Variants in BLTP1 observed in about 807,000 individuals in gnomAD.
BLTP1 encodes the protein fragile site-associated protein.
the BLTP1 span, among the ~76,000 whole-genome samples, chr4:122,157,510 G>A: frequency 5.3e-5 from 8 of 152,190 alleles, no homozygotes; most frequent in South Asian, 4.2e-4. Context: ...TAAATCCCTC[G>A]CAGGTGCAGT....
At chr4:122,214,606 T>C in the BLTP1 span, 232 of 649,424 alleles carry the variant, frequency 3.6e-4, 1 homozygote, top group Admixed American at 9.2e-4. Context: ...TTTTTTTTTT[T>C]CAGTAAATTC....
the BLTP1 span, chr4:122,290,965 C>A: frequency 2.3e-6 from 2 of 873,144 alleles, no homozygotes; most frequent in Non-Finnish European, 2.7e-6. Flanking sequence ...GTAAAAAAAA[C>A]AAGTGTTGTG....
the BLTP1 span, among the ~76,000 whole-genome samples, chr4:122,253,971 TA>T: frequency 6.6e-6 from 1 of 152,198 alleles, no homozygotes; most frequent in Non-Finnish European, 1.5e-5. Flanking sequence ...GTGGAATCTT[TA>T]CAGGCCAGGA....
the BLTP1 span, among the ~76,000 whole-genome samples, chr4:122,181,014 AT>A: frequency 2.6e-5 from 4 of 152,228 alleles, no homozygotes; most frequent in African/African-American, 7.2e-5. Context: ...ATGACTATTT[AT>A]TCAGATCCAT....
chr4:122,178,036 A>G, the BLTP1 span: 13 of 789,846 alleles, frequency 1.6e-5, no homozygotes, highest in Admixed American at 1.3e-4. Flanking sequence ...ACTCATTTGT[A>G]TAAAAGAGTA....
chr4:122,295,617 T>TA, the BLTP1 span, among the ~76,000 whole-genome samples: 153 of 152,148 alleles, frequency 1.0e-3, no homozygotes, highest in Non-Finnish European at 1.3e-3. Flanking sequence ...TCCTCATACC[T>TA]AAACCTGACA....
At chr4:122,246,742 G>A in the BLTP1 span, 88 of 1,612,934 alleles carry the variant, frequency 5.5e-5, no homozygotes, top group Non-Finnish European at 6.7e-5. Flanking sequence ...CTCCTAGTAG[G>A]AGTGTGACTC....
At chr4:122,208,689 T>G in the BLTP1 span, 1 of 975,070 alleles carries the variant, frequency 1.0e-6, no homozygotes, top group Non-Finnish European at 1.2e-6. Context: ...GTTTTTCAAT[T>G]CAAATTTAGT....
the BLTP1 span, chr4:122,192,148 A>G: frequency 6.7e-7 from 1 of 1,481,908 alleles, no homozygotes; most frequent in Middle Eastern, 1.8e-4. Context: ...AGACCAAAAA[A>G]TGTTGGAGCT....
At chr4:122,256,046 C>T in the BLTP1 span, 1 of 982,020 alleles carries the variant, frequency 1.0e-6, no homozygotes, top group Non-Finnish European at 1.2e-6. Flanking sequence ...AAATACAATC[C>T]ATCTCTGCCT....
At chr4:122,168,408 CAG>C in the BLTP1 span, among the ~76,000 whole-genome samples, 20 of 152,108 alleles carry the variant, frequency 1.3e-4, no homozygotes, top group African/African-American at 4.8e-4. Flanking sequence ...ATGAAACTTC[CAG>C]AGTCTTTTCC....
At chr4:122,350,044 A>G in the BLTP1 span, 1 of 1,613,840 alleles carries the variant, frequency 6.2e-7, no homozygotes. Context: ...GACAATGACT[A>G]GCAACCTAGA....
the BLTP1 span, chr4:122,347,524 T>A: frequency 4.3e-6 from 7 of 1,610,228 alleles, no homozygotes; most frequent in Non-Finnish European, 5.9e-6. Flanking sequence ...TCTACTAGCA[T>A]CTGGCCCAGG....
At chr4:122,189,996 A>AAT in the BLTP1 span, 1 of 1,581,164 alleles carries the variant, frequency 6.3e-7, no homozygotes, top group Non-Finnish European at 8.6e-7. Context: ...CCACCTTCTT[A>AAT]TAGACCACCG....
chr4:122,230,690 A>G, the BLTP1 span, among the ~76,000 whole-genome samples: 2 of 152,132 alleles, frequency 1.3e-5, no homozygotes, highest in Non-Finnish European at 2.9e-5. Context: ...TTATTATTAT[A>G]TATGATTTAA....
At chr4:122,283,716 C>G in the BLTP1 span, among the ~76,000 whole-genome samples, 1 of 152,160 alleles carries the variant, frequency 6.6e-6, no homozygotes, top group South Asian at 2.1e-4. Context: ...CACTGTGTTG[C>G]CTAGGCTGGT....
chr4:122,173,978 G>T, the BLTP1 span, among the ~76,000 whole-genome samples: 1 of 152,006 alleles, frequency 6.6e-6, no homozygotes, highest in Non-Finnish European at 1.5e-5. Context: ...CATCTTGTAT[G>T]TTTCATTTTA....
chr4:122,296,100 G>C, the BLTP1 span, among the ~76,000 whole-genome samples: 1 of 152,206 alleles, frequency 6.6e-6, no homozygotes, highest in Non-Finnish European at 1.5e-5. Flanking sequence ...TCCGGCAAGA[G>C]AAAGAAAGTG....
the BLTP1 span, chr4:122,205,789 C>T: frequency 3.3e-5 from 5 of 152,362 alleles, no homozygotes; most frequent in African/African-American, 7.5e-5. Context: ...GTCACATACA[C>T]ACACACACAC....
Sources: gnomAD v4.1 joint callset for allele counts (sites outside exome capture counted in the v4.1 genomes callset) on GRCh38, gnomAD v4.1.1 for gene constraint, MANE v1.5 for transcripts, NCBI Gene and HGNC (gene_info 2026-07-23, HGNC 2026-07-21) for gene names.